PLA2G4A: variants seen among roughly 807,000 people sequenced by gnomAD.
The protein encoded by PLA2G4A is phospholipase A2 group IVA, also known as cytosolic phospholipase A2.
In PLA2G4A, 40 loss-of-function variants were observed where a neutral mutation model predicts 81.9. The observed-to-expected ratio is 0.49, with a 90% confidence interval of 0.38 to 0.64. The LOEUF is 0.64. Ranked by LOEUF, PLA2G4A falls within the 30% of genes least tolerant of loss-of-function variation. PLA2G4A has a pLI of 0.00. For synonymous variants in PLA2G4A, 302 were observed against 296.9 expected, an observed-to-expected ratio of 1.02 and a Z score of -0.18; for missense variants, 715 against 905.1, an observed-to-expected ratio of 0.79 and a Z score of 2.69.
chr1:186,847,357 C>CATGT (rs1652213466), intron 1 of PLA2G4A, among the ~76,000 whole-genome samples: 2 of 146,192 alleles, frequency 1.4e-5, no homozygotes, highest in Non-Finnish European at 3.0e-5. Context: ...TTATTTCATA[C>CATGT]GTGTGTGTGT....
intron 17 of PLA2G4A, among the ~76,000 whole-genome samples, chr1:186,982,988 G>A (rs1657774710): frequency 1.3e-5 from 2 of 151,692 alleles, no homozygotes; most frequent in Admixed American, 6.6e-5. Flanking sequence ...GGAGGCTGAG[G>A]CAGGAGAATG....
chr1:186,949,244 CAGAAAGAAAGAAAGGAA>C (rs1014192963), intron 12 of PLA2G4A, among the ~76,000 whole-genome samples: 2 of 113,896 alleles, frequency 1.8e-5, no homozygotes, highest in African/African-American at 6.8e-5. Context: ...TCATATGTGA[CAGAAAGAAAGAAAGGAA>C]AGAAAGAAAG....
chr1:186,907,155 A>C (rs1168094605), intron 6 of PLA2G4A, among the ~76,000 whole-genome samples, 153 bp downstream of exon 6: 1 of 152,124 alleles, frequency 6.6e-6, no homozygotes, highest in Non-Finnish European at 1.5e-5. Flanking sequence ...GTCTGTTAAT[A>C]CCTACAAAAT....
chr1:186,975,711 T>G (rs202211022), intron 15 of PLA2G4A, among the ~76,000 whole-genome samples: 1 of 152,216 alleles, frequency 6.6e-6, no homozygotes, highest in African/African-American at 2.4e-5. Context: ...CCTCATTATC[T>G]CTGCGTTGCC....
At chr1:186,923,993 C>A (rs964236045) in intron 7 of PLA2G4A, among the ~76,000 whole-genome samples, 2 of 152,182 alleles carry the variant, frequency 1.3e-5, no homozygotes, top group African/African-American at 4.8e-5. Flanking sequence ...TGATGCCTGT[C>A]TTTTGCAACC....
intron 3 of PLA2G4A, 190 bp downstream of exon 3, chr1:186,870,706 A>T: frequency 2.0e-6 from 3 of 1,467,812 alleles, no homozygotes; most frequent in Non-Finnish European, 1.8e-6. Flanking sequence ...CTGGGCCTTA[A>T]ATTAGCCAAA....
chr1:186,956,426 TA>T, intron 14 of PLA2G4A, 82 bp downstream of exon 14: 1 of 1,177,176 alleles, frequency 8.5e-7, no homozygotes. Context: ...TAATTATTAT[TA>T]ACACTTACTC....
chr1:186,935,545 AATAG>A (rs1229085270), intron 8 of PLA2G4A, among the ~76,000 whole-genome samples: 1 of 151,906 alleles, frequency 6.6e-6, no homozygotes, highest in Non-Finnish European at 1.5e-5. Context: ...AGGTAAAGAA[AATAG>A]ATAGAAAAAG....
intron 5 of PLA2G4A, among the ~76,000 whole-genome samples, chr1:186,899,266 A>G (rs1654454137): frequency 6.6e-6 from 1 of 152,290 alleles, no homozygotes; most frequent in African/African-American, 2.4e-5. Flanking sequence ...TGGCCTGGCA[A>G]GATGAGTAAC....
At chr1:186,921,616 G>A (rs1655354207) in intron 7 of PLA2G4A, among the ~76,000 whole-genome samples, 1 of 152,082 alleles carries the variant, frequency 6.6e-6, no homozygotes, top group Non-Finnish European at 1.5e-5. Context: ...TACTCTGTGT[G>A]ATCTAGGGGT....
chr1:186,975,153 A>C (rs1366100053), intron 15 of PLA2G4A, among the ~76,000 whole-genome samples: 1 of 152,234 alleles, frequency 6.6e-6, no homozygotes, highest in African/African-American at 2.4e-5. Context: ...AATTGTGAAC[A>C]GTGCTGGACA....
intron 2 of PLA2G4A, among the ~76,000 whole-genome samples, chr1:186,857,963 T>C (rs761879836): frequency 2.0e-5 from 3 of 152,180 alleles, no homozygotes; most frequent in African/African-American, 4.8e-5. Context: ...TAGTATTCCA[T>C]GGTGAATATG....
intron 1 of PLA2G4A, among the ~76,000 whole-genome samples, chr1:186,829,659 T>A (rs1346781648): frequency 1.3e-5 from 2 of 151,994 alleles, no homozygotes; most frequent in African/African-American, 4.8e-5. Context: ...AACTAGATAC[T>A]AGAAAAGATT....
intron 1 of PLA2G4A, among the ~76,000 whole-genome samples, chr1:186,840,658 T>C (rs961390924): frequency 2.6e-5 from 4 of 152,216 alleles, no homozygotes; most frequent in Admixed American, 6.5e-5. Flanking sequence ...ATTGCTTTCA[T>C]TGAAAAGCAA....
chr1:186,837,899 GA>G (rs1389304092), intron 1 of PLA2G4A, among the ~76,000 whole-genome samples: 4 of 152,080 alleles, frequency 2.6e-5, no homozygotes, highest in Non-Finnish European at 1.5e-5. Context: ...ACAGTAGGAG[GA>G]ACATTGCCTC....
At chr1:186,910,901 A>G (rs756078431) in intron 6 of PLA2G4A, among the ~76,000 whole-genome samples, 8 of 152,254 alleles carry the variant, frequency 5.3e-5, no homozygotes, top group Non-Finnish European at 1.0e-4. Flanking sequence ...ATTCTTGGTC[A>G]AGTAAGTTTG....
chr1:186,856,255 C>T (rs764887644), intron 2 of PLA2G4A, among the ~76,000 whole-genome samples: 2 of 150,976 alleles, frequency 1.3e-5, no homozygotes, highest in Non-Finnish European at 2.9e-5. Flanking sequence ...TTAACTATCT[C>T]AGTAATGTAT....
intron 2 of PLA2G4A, among the ~76,000 whole-genome samples, chr1:186,870,034 T>C (rs1653195966): frequency 6.6e-6 from 1 of 152,200 alleles, no homozygotes; most frequent in South Asian, 2.1e-4. Flanking sequence ...AGACTTTTGA[T>C]TGACTGCTTC....
chr1:186,839,351 A>G (rs907619938), intron 1 of PLA2G4A, among the ~76,000 whole-genome samples: 10 of 152,160 alleles, frequency 6.6e-5, no homozygotes, highest in African/African-American at 2.4e-4. Flanking sequence ...CATGTCCTGA[A>G]GTGGAAAGTC....
Sources: gnomAD v4.1 joint callset for allele counts (sites outside exome capture counted in the v4.1 genomes callset) on GRCh38, gnomAD v4.1.1 for gene constraint, MANE v1.5 for transcripts, NCBI Gene and HGNC (gene_info 2026-07-23, HGNC 2026-07-21) for gene names.